VCPKMT: variants seen among roughly 807,000 people sequenced by gnomAD.
The protein encoded by VCPKMT is valosin containing protein lysine methyltransferase.
Under a neutral mutation model 28.6 loss-of-function variants are expected in VCPKMT, and 32 were observed. The ratio of observed to expected loss-of-function variants is 1.12; its 90% CI spans 0.84 to 1.50. The LOEUF (loss-of-function observed/expected upper bound fraction) is 1.50. VCPKMT is among the 40% of genes most tolerant of loss of function. The pLI is 0.00. For missense variants in VCPKMT, 366 were observed against 285.0 expected (o/e 1.28, Z -2.05); for synonymous variants, 138 against 111.4 (o/e 1.24, Z -1.50).
rs1186022233 is a variant in VCPKMT at position 50,109,596 on chromosome 14, A to G, written c.*103T>C. ...CGGATCTCTAAGGACGTGCCGGAAA[A>G]AAAAATCTGTGAACACAATCTTCCC... On this transcript the variant is annotated 3_prime_UTR_variant, in exon 6 of 6. Coordinates refer to ENST00000395860, the MANE Select transcript of VCPKMT (RefSeq NM_024558.3). The G allele has an allele frequency of 6.8e-7, 1 of 1,468,756 alleles. No homozygotes were observed. The highest frequency in any genetic ancestry group is 1.5e-5 in the African/African-American group (1 of 68,586). 91.0% of individuals were successfully genotyped at this position (1,468,756 alleles called of 1,614,324 possible).
intron 5 of VCPKMT, chr14:50,111,954 G>A: frequency 1.0e-6 from 1 of 985,272 alleles, no homozygotes; most frequent in African/African-American, 1.7e-5. Flanking sequence ...AGGTGTCACT[G>A]AGGCAACCTG....
At chr14:50,111,661 G>C (rs111412962) in intron 5 of VCPKMT, 61 of 961,454 alleles carry the variant, frequency 6.3e-5, no homozygotes, top group Non-Finnish European at 6.8e-5. Context: ...GCAGGTCACT[G>C]GAGTCCAGGA....
chr14:50,115,713 T>C (rs1883111311), intron 3 of VCPKMT, 126 bp downstream of exon 3: 4 of 1,075,598 alleles, frequency 3.7e-6, no homozygotes, highest in South Asian at 1.6e-5. Flanking sequence ...ATCTTCTCTT[T>C]ACTGCATCAA....
Position 50,116,525 on chromosome 14 carries a change from C to T in VCPKMT, c.28G>A (p.Glu10Lys). 1 of 1,612,882 alleles carries T rather than the reference C, an allele frequency of 6.2e-7. No individual in the cohort carries two copies. The highest frequency in any genetic ancestry group is 8.5e-7 in the Non-Finnish European group (1 of 1,179,478). MADTLESSL[E>K]DPLRSFVRVL... ...CGCACAAAGCTCCGCAGTGGGTCCT[C>T]CAGCGAGGACTCCAGCGTATCCGCC... The change falls in exon 1 of 6, where the codon GAG becomes AAG. Residue 10 changes from glutamate to lysine, a missense_variant. Transcript: ENST00000395860.
intron 4 of VCPKMT, 113 bp from the exon 5 acceptor site, chr14:50,112,832 G>A (rs552294033): frequency 9.1e-6 from 6 of 662,496 alleles, no homozygotes; most frequent in Non-Finnish European, 1.5e-5. Flanking sequence ...TGTCACCCAG[G>A]CTGGAGTGCA....
At position 50,109,270 on chromosome 14, in the gene VCPKMT, A is replaced by G; in HGVS notation, c.*429T>C. 1.0e-6 allele frequency: 1 copy of G among 976,422 alleles called. No individual in the cohort carries two copies. The allele number at this position is 976,422 out of a possible 1,614,324, so 60.5% of individuals were successfully genotyped here. ...AAAATGAAAACCTTTTAAACTCTGA[A>G]GACAAACTAAAATTTACTAGTTTGA... is the stretch of plus-strand genomic sequence containing the variant. On this transcript the variant is annotated 3_prime_UTR_variant, in exon 6 of 6. Transcript: ENST00000395860.
At position 50,109,549 on chromosome 14, in the gene VCPKMT, C is replaced by T; in HGVS notation, c.*150G>A. ...GAATTTTTCGTATTGCAGACAGCCC[C>T]TGGTGGTCATCATCTATACATCGGA... On this transcript the variant is annotated 3_prime_UTR_variant, in exon 6 of 6. Coordinates refer to ENST00000395860, the MANE Select transcript of VCPKMT (RefSeq NM_024558.3). The T allele has an allele frequency of 2.2e-6, 3 of 1,360,282 alleles. No homozygotes were observed. Among genetic ancestry groups the T allele is most frequent in the Non-Finnish European group, 2.8e-6 (3 of 1,058,958 alleles). 84.3% of individuals were successfully genotyped at this position (1,360,282 alleles called of 1,614,324 possible).
rs543620486 is a variant in VCPKMT, at chr14:50,114,053, C to T, written c.570+232G>A. 8.5e-5 allele frequency among the ~76,000 whole-genome samples: 13 copies of T among 152,144 alleles called. No individual in the cohort carries two copies. The South Asian group carries it at 2.3e-3, about 27-fold the overall frequency. On this transcript the variant is annotated intron_variant, in intron 4 of 5. Coordinates refer to ENST00000395860, the MANE Select transcript of VCPKMT (RefSeq NM_024558.3). The stretch of plus-strand genomic sequence containing the variant: ...ACTGTTCTTAAAAAGGAGTGGCACC[C>T]GTATTAACATTCTTCTGTAGCCATA...
Position 50,116,326 on chromosome 14 carries a change from G to C in VCPKMT, c.227C>G (p.Ser76Trp). Reference protein sequence around the residue: ...LSRRSVLELGSGTGAVGLMAA... With the variant: ...LSRRSVLELGWGTGAVGLMAA... ...CATGAGCCCCACGGCCCCGGTGCCC[G>C]AACCCAGCTCCAGCACCGACCGCCG... The change falls in exon 1 of 6, where the codon TCG (serine) becomes TGG (tryptophan). Residue 76 changes from serine to tryptophan, a missense_variant. Physicochemically the swap from Ser to Trp is radical, Grantham distance 177. Transcript: ENST00000395860. 1 of 1,603,756 alleles carries C rather than the reference G, an allele frequency of 6.2e-7. No individual in the cohort carries two copies.
rs777921566 is a variant in VCPKMT, at chr14:50,116,516, G to C, written c.37C>G (p.Leu13Val). 1.9e-6 allele frequency: 3 copies of C among 1,613,452 alleles called. No homozygotes were observed. Among genetic ancestry groups the C allele is most frequent in the Non-Finnish European group, 2.5e-6 (3 of 1,179,858 alleles). ...DTLESSLEDP[L>V]RSFVRVLEKR... ...TCCAAAACTCGCACAAAGCTCCGCAGTGGGTCCTCCAGCGAGGACTCCAGC... is the reference window on the plus strand; with the variant it reads ...TCCAAAACTCGCACAAAGCTCCGCACTGGGTCCTCCAGCGAGGACTCCAGC... Residue 13 changes from leucine to valine, a missense_variant, in exon 1 of 6, where the codon CTG becomes GTG. By Grantham distance (32) the Leu-to-Val change is conservative. Transcript: ENST00000395860.
chr14:50,116,336 C>A lies in VCPKMT; in HGVS notation c.217G>T (p.Glu73Ter). 6.2e-7 allele frequency: 1 copy of A among 1,611,250 alleles called. No individual in the cohort carries two copies. Among genetic ancestry groups the A allele is most frequent in the South Asian group, 1.1e-5 (1 of 90,814 alleles). The change falls in exon 1 of 6, where the codon GAG becomes TAG. Residue 73 changes from glutamate (E) to a stop codon, truncating the protein, a stop_gained. Transcript: ENST00000395860. LOFTEE classifies it high-confidence loss of function. ...AHALSRRSVL[E>*]LGSGTGAVGL... Reference sequence around the variant, plus strand: ...ACGGCCCCGGTGCCCGAACCCAGCTCCAGCACCGACCGCCGGCTCAGCGCG... The same window carrying A: ...ACGGCCCCGGTGCCCGAACCCAGCTACAGCACCGACCGCCGGCTCAGCGCG...
chr14:50,104,631 G>C (rs940893663), downstream of VCPKMT, among the ~76,000 whole-genome samples: 2 of 151,192 alleles, frequency 1.3e-5, no homozygotes, highest in Admixed American at 6.6e-5. Context: ...GTGCCTACAG[G>C]ACTGTGGGAA....
At chr14:50,102,942 G>C in the VCPKMT span, among the ~76,000 whole-genome samples, 4 of 152,234 alleles carry the variant, frequency 2.6e-5, no homozygotes, top group Non-Finnish European at 4.4e-5. Flanking sequence ...GAAGCAGAAA[G>C]CAAGTTTGTC....
At chr14:50,113,555 A>T (rs1034921776) in intron 4 of VCPKMT, 1 of 41,376 alleles carries the variant, frequency 2.4e-5, no homozygotes, top group Non-Finnish European at 5.3e-5. Flanking sequence ...CCTATATACT[A>T]TATTTTGCAA....
In VCPKMT at chr14:50,108,871, G is replaced by T; in HGVS notation, c.*828C>A. 1 of 985,408 alleles carries T rather than the reference G, an allele frequency of 1.0e-6. No individual in the cohort carries two copies. Among genetic ancestry groups the T allele is most frequent in the Non-Finnish European group, 1.2e-6 (1 of 829,928 alleles). The allele number at this position is 985,408 out of a possible 1,614,324, so 61.0% of individuals were successfully genotyped here. ...TGTAGTTATTCAAAAACCTTTCACT[G>T]CTTCATGTAAACAATACCAGTATTT... On this transcript the variant is annotated 3_prime_UTR_variant, in exon 6 of 6. Transcript: ENST00000395860.
rs543897581 is a variant in VCPKMT at position 50,115,729 on chromosome 14, AG to A, written c.450+109del. ...TCTTCTCTTTACTGCATCAACTATAAGGCAAATCCCGGATTCAAAGATGTTA... is the reference window on the plus strand; with the variant it reads ...TCTTCTCTTTACTGCATCAACTATAAGCAAATCCCGGATTCAAAGATGTTA... On this transcript the variant is annotated intron_variant, in intron 3 of 5. Transcript: ENST00000395860. The A allele has an allele frequency of 3.2e-3, 4,110 of 1,294,166 alleles. 160 individuals carry two copies. The South Asian group carries it at 0.054, about 17-fold the overall frequency. 80.2% of individuals were successfully genotyped at this position (1,294,166 alleles called of 1,614,324 possible).
chr14:50,110,313 A>G (rs1218089990), intron 5 of VCPKMT, among the ~76,000 whole-genome samples: 1 of 152,182 alleles, frequency 6.6e-6, no homozygotes, highest in African/African-American at 2.4e-5. Flanking sequence ...ATGAAAAGAC[A>G]ACCCACAGAA....
chr14:50,108,521 G>T, downstream of VCPKMT: 1 of 806,614 alleles, frequency 1.2e-6, no homozygotes, highest in Non-Finnish European at 1.5e-6. Flanking sequence ...TGAAAGGAAT[G>T]AACTGATTTC....
chr14:50,115,334 T>C (rs141378297), intron 3 of VCPKMT, among the ~76,000 whole-genome samples: 1 of 152,182 alleles, frequency 6.6e-6, no homozygotes, highest in East Asian at 1.9e-4. Context: ...GTATTTTTAG[T>C]AGAGACAGGG....
Sources: gnomAD v4.1 joint callset for allele counts (sites outside exome capture counted in the v4.1 genomes callset) on GRCh38, gnomAD v4.1.1 for gene constraint, MANE v1.5 for transcripts, NCBI Gene and HGNC (gene_info 2026-07-23, HGNC 2026-07-21) for gene names.